Variants in NRXN3 observed in about 807,000 individuals in gnomAD.
NRXN3 encodes the protein neurexin 3.
NRXN3 carries 32 observed loss-of-function variants against 137.6 expected under a neutral mutation model. The ratio of observed to expected loss-of-function variants is 0.23; its 90% CI spans 0.18 to 0.31. The LOEUF (loss-of-function observed/expected upper bound fraction) is 0.31. Among genes scored for constraint, NRXN3 ranks in the 10% least tolerant of loss-of-function variants. The pLI is 1.00. For missense variants in NRXN3, 1,574 were observed against 2,062.5 expected (o/e 0.76, Z 4.59); for synonymous variants, 798 against 784.5 (o/e 1.02, Z -0.29).
intron 15 of NRXN3, among the ~76,000 whole-genome samples, chr14:79,244,950 C>A (rs1210982955): frequency 6.6e-6 from 1 of 152,052 alleles, no homozygotes; most frequent in Non-Finnish European, 1.5e-5. Context: ...TTTCAACTGT[C>A]GAGTCTAAAA....
intron 16 of NRXN3, among the ~76,000 whole-genome samples, chr14:79,601,585 G>T (rs2097922383): frequency 6.6e-6 from 1 of 152,060 alleles, no homozygotes; most frequent in South Asian, 2.1e-4. Context: ...TAATCTTCAT[G>T]CTGACCCCTC....
At chr14:78,443,143 T>G (rs1383241650) in intron 4 of NRXN3, among the ~76,000 whole-genome samples, 1 of 152,240 alleles carries the variant, frequency 6.6e-6, no homozygotes, top group Non-Finnish European at 1.5e-5. Context: ...AAAATTCTTT[T>G]CAAAATGGGA....
intron 8 of NRXN3, among the ~76,000 whole-genome samples, chr14:78,738,503 A>G (rs1055465811): frequency 6.6e-6 from 1 of 152,070 alleles, no homozygotes; most frequent in Non-Finnish European, 1.5e-5. Context: ...CGTGGCTCCC[A>G]TCTGTGTGTT....
intron 1 of NRXN3, among the ~76,000 whole-genome samples, chr14:78,199,805 G>A (rs183348455): frequency 7.0e-4 from 106 of 152,342 alleles, no homozygotes; most frequent in African/African-American, 2.5e-3. Flanking sequence ...CTGCTGATGC[G>A]AGCAGCTGCC....
chr14:79,739,320 T>C (rs762176867), intron 19 of NRXN3, among the ~76,000 whole-genome samples: 1 of 152,030 alleles, frequency 6.6e-6, no homozygotes, highest in Non-Finnish European at 1.5e-5. Flanking sequence ...AAGAAAATGA[T>C]TGGAGAAATA....
In NRXN3 at chr14:78,281,871, T is replaced by G. The variant is rs575474394; in HGVS notation, c.727+3209T>G. On this transcript the variant is annotated intron_variant, in intron 3 of 20. Coordinates refer to ENST00000335750, the MANE Select transcript of NRXN3 (RefSeq NM_001330195.2). ...CTTGTGCTCTTGTTCTTCCAGACCC[T>G]GCCTTTCACATGACAGAGCTGTGGG... Among the ~76,000 whole-genome samples the G allele has an allele frequency of 5.3e-5, 8 of 152,312 alleles. No homozygotes were observed. The South Asian group carries it at 1.0e-3, about 20-fold the overall frequency.
At chr14:78,989,339 CTGT>C (rs147264491) in intron 15 of NRXN3, among the ~76,000 whole-genome samples, 40 of 152,244 alleles carry the variant, frequency 2.6e-4, no homozygotes, top group East Asian at 9.6e-4. Flanking sequence ...GTGCAGCTGT[CTGT>C]TGTTGTTCTT....
intron 4 of NRXN3, among the ~76,000 whole-genome samples, chr14:78,456,549 C>T (rs145433119): frequency 6.6e-6 from 1 of 152,330 alleles, no homozygotes; most frequent in African/African-American, 2.4e-5. Flanking sequence ...CTTCATGTTG[C>T]CTTCTTTGCG....
At chr14:78,460,885 T>C (rs751667662) in intron 4 of NRXN3, among the ~76,000 whole-genome samples, 1 of 152,176 alleles carries the variant, frequency 6.6e-6, no homozygotes, top group African/African-American at 2.4e-5. Context: ...CCATTCTGCC[T>C]GCTCCTTCCC....
intron 19 of NRXN3, among the ~76,000 whole-genome samples, chr14:79,795,156 C>G (rs867642574): frequency 6.6e-6 from 1 of 152,186 alleles, no homozygotes; most frequent in Non-Finnish European, 1.5e-5. Flanking sequence ...ATTAGCCTCA[C>G]TGTCTATCAG....
At chr14:79,183,552 T>G (rs866520870) in intron 15 of NRXN3, among the ~76,000 whole-genome samples, 8 of 152,206 alleles carry the variant, frequency 5.3e-5, no homozygotes, top group African/African-American at 1.7e-4. Context: ...ATTAAAAATA[T>G]ATCTATGTAT....
chr14:78,783,345 A>G (rs1356372017), intron 8 of NRXN3, among the ~76,000 whole-genome samples: 29 of 152,244 alleles, frequency 1.9e-4, no homozygotes, highest in Admixed American at 1.8e-3. Context: ...CTTTGATACA[A>G]TATCTGACTA....
chr14:79,366,416 A>G (rs914338901), intron 15 of NRXN3, among the ~76,000 whole-genome samples: 3 of 152,108 alleles, frequency 2.0e-5, no homozygotes, highest in Non-Finnish European at 1.5e-5. Context: ...TATTCATTCT[A>G]TCAATGTTTT....
chr14:78,816,530 T>C (rs926889484), intron 10 of NRXN3, among the ~76,000 whole-genome samples: 6 of 152,154 alleles, frequency 3.9e-5, no homozygotes, highest in Non-Finnish European at 8.8e-5. Context: ...CATTTCATTT[T>C]AGGGGGGTGC....
chr14:79,134,260 G>T (rs1054719867), intron 15 of NRXN3, among the ~76,000 whole-genome samples: 1 of 152,196 alleles, frequency 6.6e-6, no homozygotes, highest in African/African-American at 2.4e-5. Flanking sequence ...ATATGGGAAA[G>T]CTAAGAAAGA....
chr14:79,602,949 C>G (rs748537621), intron 16 of NRXN3, among the ~76,000 whole-genome samples: 8 of 152,114 alleles, frequency 5.3e-5, no homozygotes, highest in Non-Finnish European at 1.0e-4. Flanking sequence ...CCGTGGGCTG[C>G]TCACCTCCCC....
intron 15 of NRXN3, among the ~76,000 whole-genome samples, chr14:79,241,722 TGAG>T (rs1414883769): frequency 6.6e-6 from 1 of 152,120 alleles, no homozygotes; most frequent in African/African-American, 2.4e-5. Flanking sequence ...TAATATTACT[TGAG>T]GATTTATCTT....
intron 15 of NRXN3, among the ~76,000 whole-genome samples, chr14:79,011,089 C>T (rs1375658561): frequency 2.6e-5 from 4 of 152,100 alleles, no homozygotes; most frequent in Non-Finnish European, 4.4e-5. Context: ...CCACACGTCT[C>T]TATTTACGTA....
At chr14:78,591,321 G>A (rs969664851) in intron 4 of NRXN3, among the ~76,000 whole-genome samples, 1 of 152,162 alleles carries the variant, frequency 6.6e-6, no homozygotes, top group Admixed American at 6.5e-5. Context: ...TGAGCTACAC[G>A]TTCTGATTTC....
Sources: gnomAD v4.1 joint callset for allele counts (sites outside exome capture counted in the v4.1 genomes callset) on GRCh38, gnomAD v4.1.1 for gene constraint, MANE v1.5 for transcripts, NCBI Gene and HGNC (gene_info 2026-07-23, HGNC 2026-07-21) for gene names.